AKAP10: variants seen among roughly 807,000 people sequenced by gnomAD.
AKAP10 encodes the protein A-kinase anchor protein 10, mitochondrial.
Under a neutral mutation model 80.8 loss-of-function variants are expected in AKAP10, and 24 were observed. That is an observed-to-expected ratio of 0.30 (90% CI 0.22 to 0.42). The LOEUF (loss-of-function observed/expected upper bound fraction) is 0.42. Ranked by LOEUF, AKAP10 falls within the 10% of genes least tolerant of loss-of-function variation. The probability of loss-of-function intolerance (pLI) is 1.00; values close to 1 mark genes in which losing one functional copy is unlikely to be tolerated. For synonymous variants in AKAP10, 291 were observed against 277.7 expected, an observed-to-expected ratio of 1.05 and a Z score of -0.48; for missense variants, 661 against 794.9, an observed-to-expected ratio of 0.83 and a Z score of 2.03.
intron 12 of AKAP10, among the ~76,000 whole-genome samples, chr17:19,911,783 C>T (rs2042692223): frequency 7.9e-6 from 1 of 126,792 alleles, no homozygotes; most frequent in African/African-American, 2.9e-5. Flanking sequence ...TGTGGTGAGC[C>T]GAGATCACGC....
chr17:19,950,019 A>G (rs940978933), intron 4 of AKAP10, among the ~76,000 whole-genome samples: 4 of 150,234 alleles, frequency 2.7e-5, no homozygotes, highest in African/African-American at 9.8e-5. Context: ...ATTCTAGAAA[A>G]AGGCAGGGCA....
At chr17:19,946,237 T>A (rs28756895) in intron 5 of AKAP10, among the ~76,000 whole-genome samples, 2,229 of 15,018 alleles carry the variant, frequency 0.15, 278 homozygotes, top group Middle Eastern at 0.29. Flanking sequence ...TATATATATA[T>A]TATATATATA....
chr17:19,914,872 C>T (rs2042728821), intron 12 of AKAP10, among the ~76,000 whole-genome samples: 1 of 151,966 alleles, frequency 6.6e-6, no homozygotes, highest in Non-Finnish European at 1.5e-5. Context: ...AAAGATAGTC[C>T]AATGAGAGCT....
rs1567749214 is a variant in AKAP10, at chr17:19,909,166, C to T, written c.1983+15G>A. The T allele has an allele frequency of 1.3e-5, 20 of 1,582,404 alleles. No individual in the cohort carries two copies. Among genetic ancestry groups the T allele is most frequent in the Non-Finnish European group, 1.5e-5 (18 of 1,166,500 alleles). On this transcript the variant is annotated intron_variant, in intron 14 of 14. Transcript: ENST00000225737. The stretch of plus-strand genomic sequence containing the variant: ...ATAATACTTTTTAGTTTACACAAAA[C>T]GAAGTCATCCTTACCTTTGTAGATT...
rs2043304890 is a variant in AKAP10, at chr17:19,958,278, T to C, written c.613A>G (p.Lys205Glu). The C allele has an allele frequency of 2.5e-6, 4 of 1,614,214 alleles. No homozygotes were observed. Among genetic ancestry groups the C allele is most frequent in the Non-Finnish European group, 3.4e-6 (4 of 1,180,040 alleles). The change falls in exon 4 of 15, where the codon AAG (lysine) becomes GAG (glutamate). Residue 205 changes from lysine to glutamate, a missense_variant. Physicochemically the swap from Lys to Glu is moderately conservative, Grantham distance 56 (BLOSUM62 1). Transcript: ENST00000225737. ...GCTGAGCCAGAATCCTCCAATCTCT[T>C]ATCAAGAGAATCAGTTAAAAAAGAC... is the stretch of plus-strand genomic sequence containing the variant. ...TASFLTDSLD[K>E]RLEDSGSAQL...
intron 12 of AKAP10, among the ~76,000 whole-genome samples, chr17:19,919,330 ATATATTTCATTACTTT>A (rs1287541187): frequency 2.6e-5 from 4 of 152,268 alleles, no homozygotes; most frequent in East Asian, 1.9e-4. Flanking sequence ...TATTTTCCAC[ATATATTTCATTACTTT>A]TATATTTCAT....
In AKAP10 at chr17:19,921,310, G is replaced by C. The variant is rs191499108; in HGVS notation, c.1752-1192C>G. 2.7e-3 allele frequency among the ~76,000 whole-genome samples: 410 copies of C among 151,742 alleles called. 1 individual carries two copies. Among genetic ancestry groups the C allele is most frequent in the African/African-American group, 8.7e-3 (360 of 41,408 alleles). ...AGCCTCTCGAGTAGCTGGGACTACG[G>C]GTGCGCCACCACGCCCAGCTAATTT... is the stretch of plus-strand genomic sequence containing the variant. On this transcript the variant is annotated intron_variant, in intron 11 of 14. Coordinates refer to ENST00000225737, the MANE Select transcript of AKAP10 (RefSeq NM_007202.4).
chr17:19,971,539 G>C (rs976890097), intron 1 of AKAP10, among the ~76,000 whole-genome samples: 27 of 151,782 alleles, frequency 1.8e-4, no homozygotes, highest in African/African-American at 6.5e-4. Context: ...TTACACAAAT[G>C]ACACTCTATA....
Position 19,945,584 on chromosome 17 carries a change from T to C in AKAP10, c.976+1823A>G, listed in dbSNP as rs116327512. 2.8e-3 allele frequency among the ~76,000 whole-genome samples: 429 copies of C among 152,256 alleles called. 3 individuals carry two copies. Among genetic ancestry groups the C allele is most frequent in the African/African-American group, 9.7e-3 (404 of 41,554 alleles). On this transcript the variant is annotated intron_variant, in intron 5 of 14. Coordinates refer to ENST00000225737, the MANE Select transcript of AKAP10 (RefSeq NM_007202.4). ...ACCAACAGCCACCAGGCCTATGTTATAGCCGTTATAGGTATCTGTGTGGGA... is the reference window on the plus strand; with the variant it reads ...ACCAACAGCCACCAGGCCTATGTTACAGCCGTTATAGGTATCTGTGTGGGA...
At chr17:19,939,936 AC>A in intron 7 of AKAP10, 87 bp from the exon 8 acceptor site, 1 of 1,436,724 alleles carries the variant, frequency 7.0e-7, no homozygotes. Flanking sequence ...ATATTAAAAT[AC>A]AGGTCATAAG....
At chr17:19,954,891 A>T (rs1473697499) in intron 4 of AKAP10, among the ~76,000 whole-genome samples, 1 of 151,966 alleles carries the variant, frequency 6.6e-6, no homozygotes, top group Non-Finnish European at 1.5e-5. Flanking sequence ...CAATCCATAC[A>T]AGAAAAAAAT....
At chr17:19,970,798 G>A (rs1206776821) in intron 1 of AKAP10, among the ~76,000 whole-genome samples, 1 of 151,992 alleles carries the variant, frequency 6.6e-6, no homozygotes, top group African/African-American at 2.4e-5. Context: ...ACCCCAGCCT[G>A]GGTGACAGAG....
chr17:19,966,560 G>C (rs1338431227), intron 2 of AKAP10, among the ~76,000 whole-genome samples: 2 of 134,822 alleles, frequency 1.5e-5, no homozygotes, highest in Non-Finnish European at 3.3e-5. Context: ...CAAACATCTT[G>C]AGGGGCTGTT....
intron 7 of AKAP10, among the ~76,000 whole-genome samples, chr17:19,940,606 TG>T (rs1209712437): frequency 6.6e-6 from 1 of 152,234 alleles, no homozygotes; most frequent in East Asian, 1.9e-4. Flanking sequence ...TCAAATTCTG[TG>T]GTTTTAAAAT....
At chr17:19,909,889 T>C (rs113754472) in intron 13 of AKAP10, 37 bp downstream of exon 13, 4 of 1,605,162 alleles carry the variant, frequency 2.5e-6, no homozygotes, top group African/African-American at 1.3e-5. Context: ...GTGGCACTTA[T>C]AAACAGAAAT....
rs2152414250 is a variant in AKAP10, at chr17:19,939,816, G to T, written c.1219C>A (p.Gln407Lys). The T allele has an allele frequency of 5.0e-6, 8 of 1,613,826 alleles. No homozygotes were observed. In the East Asian group the frequency reaches 1.6e-4, roughly 31 times the overall value. Residue 407 changes from glutamine to lysine, a missense_variant, in exon 8 of 15, where the codon CAA becomes AAA. By Grantham distance (53) the Gln-to-Lys change is moderately conservative (BLOSUM62 1). Coordinates refer to ENST00000225737, the MANE Select transcript of AKAP10 (RefSeq NM_007202.4). ...MEKEDAVNILQFWLAADNFQS... is the reference protein window; with the variant it reads ...MEKEDAVNILKFWLAADNFQS... The stretch of plus-strand genomic sequence containing the variant: ...AAGTTATCTGCTGCCAACCAGAATT[G>T]TAAGATATTCACTGCATCCTCTTTT...
intron 5 of AKAP10, 114 bp from the exon 6 acceptor site, chr17:19,942,024 T>C (rs1255063926): frequency 2.6e-5 from 19 of 725,860 alleles, no homozygotes; most frequent in Non-Finnish European, 3.4e-5. Context: ...AGGTTTTAAA[T>C]AGAACTAAAA....
At chr17:19,913,352 C>T (rs1479479077) in intron 12 of AKAP10, among the ~76,000 whole-genome samples, 1 of 152,206 alleles carries the variant, frequency 6.6e-6, no homozygotes, top group Admixed American at 6.5e-5. Context: ...TGGGGTTTCA[C>T]TGTGTTAGCC....
chr17:19,976,754 G>A (rs1024969666), intron 1 of AKAP10, among the ~76,000 whole-genome samples: 2 of 152,076 alleles, frequency 1.3e-5, no homozygotes, highest in African/African-American at 4.8e-5. Flanking sequence ...CCGATCTCAG[G>A]TGATCCACCC....
Sources: gnomAD v4.1 joint callset for allele counts (sites outside exome capture counted in the v4.1 genomes callset) on GRCh38, gnomAD v4.1.1 for gene constraint, MANE v1.5 for transcripts, NCBI Gene and HGNC (gene_info 2026-07-23, HGNC 2026-07-21) for gene names.